MGAT4C: variants seen among roughly 807,000 people sequenced by gnomAD.
The protein encoded by MGAT4C is MGAT4 family member C.
In MGAT4C, 19 loss-of-function variants were observed where a neutral mutation model predicts 40.1. The observed-to-expected ratio is 0.47, with a 90% CI of 0.33 to 0.70. The LOEUF (loss-of-function observed/expected upper bound fraction) is 0.70. MGAT4C is among the 30% of genes least tolerant of loss of function. The probability of loss-of-function intolerance (pLI) is 0.02; values close to 1 mark genes in which losing one functional copy is unlikely to be tolerated. For missense variants in MGAT4C, 491 were observed against 563.2 expected (o/e 0.87, Z 1.30); for synonymous variants, 181 against 187.1 (o/e 0.97, Z 0.27).
chr12:86,385,999 C>T (rs1260026433), intron 3 of MGAT4C, among the ~76,000 whole-genome samples: 1 of 152,074 alleles, frequency 6.6e-6, no homozygotes, highest in Non-Finnish European at 1.5e-5. Context: ...GGCAAGATCT[C>T]GGCTCACTGC....
chr12:86,705,667 A>C (rs1290581446), intron 2 of MGAT4C, among the ~76,000 whole-genome samples: 1 of 152,190 alleles, frequency 6.6e-6, no homozygotes, highest in East Asian at 1.9e-4. Context: ...AAATATAAAC[A>C]AATTTGGGAG....
At chr12:86,288,316 A>G (rs1953408721) in intron 4 of MGAT4C, among the ~76,000 whole-genome samples, 1 of 152,068 alleles carries the variant, frequency 6.6e-6, no homozygotes, top group Admixed American at 6.6e-5. Context: ...CTCTGATGAT[A>G]GTTTCTTTTG....
chr12:86,403,828 T>C (rs1269186222), intron 3 of MGAT4C, among the ~76,000 whole-genome samples: 1 of 152,174 alleles, frequency 6.6e-6, no homozygotes, highest in East Asian at 1.9e-4. Flanking sequence ...TTGGTTGATC[T>C]GAAAGCATGC....
At chr12:86,381,977 A>G (rs1955939639) in intron 3 of MGAT4C, among the ~76,000 whole-genome samples, 1 of 152,170 alleles carries the variant, frequency 6.6e-6, no homozygotes, top group South Asian at 2.1e-4. Flanking sequence ...GCCATGTGGA[A>G]CTGTAACTCC....
At position 86,805,545 on chromosome 12, in the gene MGAT4C, T is replaced by A. The variant is rs73393181; in HGVS notation, c.-262+33121A>T. Among the ~76,000 whole-genome samples the A allele has an allele frequency of 4.0e-3, 604 of 152,092 alleles. 7 individuals are homozygous for A. Among genetic ancestry groups the A allele is most frequent in the African/African-American group, 0.014 (583 of 41,534 alleles). Reference sequence around the variant, plus strand: ...ATTCATGTTGCTGCAAAGGGCATAGTTTTTTTCTTTTTTATGGCTGCATAG... The same window carrying A: ...ATTCATGTTGCTGCAAAGGGCATAGATTTTTTCTTTTTTATGGCTGCATAG... On this transcript the variant is annotated intron_variant, in intron 1 of 7. Coordinates refer to the MGAT4C transcript ENST00000548651.
chr12:86,812,504 T>A, intron 1 of MGAT4C, among the ~76,000 whole-genome samples: 1 of 152,102 alleles, frequency 6.6e-6, no homozygotes, highest in East Asian at 1.9e-4. Context: ...CAATTGGGAT[T>A]GTTAGGTCAT....
intron 1 of MGAT4C, among the ~76,000 whole-genome samples, chr12:86,781,012 T>G (rs4842538): frequency 0.14 from 5,660 of 39,130 alleles, 146 homozygotes; most frequent in South Asian, 0.32. Context: ...TGGCTGAGTA[T>G]TGTGTGTGTG....
At chr12:86,263,277 C>A (rs1276989344) in intron 4 of MGAT4C, among the ~76,000 whole-genome samples, 1 of 152,056 alleles carries the variant, frequency 6.6e-6, no homozygotes, top group Non-Finnish European at 1.5e-5. Context: ...TATCTATCAC[C>A]CAAATACTTT....
At chr12:86,505,759 T>C (rs575276370) in intron 2 of MGAT4C, among the ~76,000 whole-genome samples, 5 of 152,316 alleles carry the variant, frequency 3.3e-5, no homozygotes, top group African/African-American at 1.2e-4. Context: ...GATAGAAATG[T>C]ATTTCTCTAG....
At chr12:86,182,914 TC>T (rs1888284296) in intron 1 of MGAT4C, among the ~76,000 whole-genome samples, 1 of 152,136 alleles carries the variant, frequency 6.6e-6, no homozygotes, top group South Asian at 2.1e-4. Flanking sequence ...CTCTGCAACT[TC>T]CAGACCCAGC....
Position 86,026,328 on chromosome 12 carries a change from A to G in MGAT4C, c.-7+23346T>C, listed in dbSNP as rs372059859. Among the ~76,000 whole-genome samples the G allele has an allele frequency of 3.2e-4, 48 of 151,796 alleles. 1 individual carries two copies. In the East Asian group the frequency reaches 7.2e-3, roughly 23 times the overall value. On this transcript the variant is annotated intron_variant, in intron 2 of 4. Coordinates refer to ENST00000611864, the MANE Select transcript of MGAT4C (RefSeq NM_001351288.2). Reference sequence around the variant, plus strand: ...ACCTTTTCTCTGCATGTGCATGCACATGCACACACACACAGACACACACAC... The same window carrying G: ...ACCTTTTCTCTGCATGTGCATGCACGTGCACACACACACAGACACACACAC...
At chr12:86,634,414 T>C (rs1003416946) in intron 2 of MGAT4C, among the ~76,000 whole-genome samples, 4 of 152,136 alleles carry the variant, frequency 2.6e-5, no homozygotes, top group Non-Finnish European at 4.4e-5. Context: ...TTGTAACAAA[T>C]TGCCACAAGT....
chr12:86,254,930 G>T (rs1952455046), intron 1 of MGAT4C, among the ~76,000 whole-genome samples: 1 of 152,060 alleles, frequency 6.6e-6, no homozygotes, highest in East Asian at 1.9e-4. Flanking sequence ...TGCCAAACAG[G>T]ACTGGGCTAG....
At chr12:86,269,489 G>C (rs1365498822) in intron 4 of MGAT4C, among the ~76,000 whole-genome samples, 1 of 151,238 alleles carries the variant, frequency 6.6e-6, no homozygotes, top group Non-Finnish European at 1.5e-5. Flanking sequence ...GTATATTCCA[G>C]TCCTGTGGCA....
chr12:86,786,388 A>G (rs1254631576), intron 1 of MGAT4C, among the ~76,000 whole-genome samples: 2 of 152,136 alleles, frequency 1.3e-5, no homozygotes, highest in Non-Finnish European at 1.5e-5. Flanking sequence ...TTGAAAGATA[A>G]GTATATATTA....
At chr12:86,613,566 T>A (rs1199284749) in intron 2 of MGAT4C, among the ~76,000 whole-genome samples, 1 of 152,124 alleles carries the variant, frequency 6.6e-6, no homozygotes, top group African/African-American at 2.4e-5. Context: ...ATTTCACAGC[T>A]GTCAAAAAGC....
chr12:86,127,088 C>T (rs557931338), intron 1 of MGAT4C, among the ~76,000 whole-genome samples: 59 of 152,136 alleles, frequency 3.9e-4, no homozygotes, highest in Non-Finnish European at 6.8e-4. Context: ...TACTAGCTGG[C>T]GGCTCACCAC....
At chr12:86,448,688 CA>C (rs1029187027) in intron 2 of MGAT4C, among the ~76,000 whole-genome samples, 1 of 152,100 alleles carries the variant, frequency 6.6e-6, no homozygotes, top group African/African-American at 2.4e-5. Context: ...AAGCTAACAT[CA>C]ATATTTTCTT....
intron 1 of MGAT4C, among the ~76,000 whole-genome samples, chr12:86,179,087 G>A (rs554915379): frequency 2.0e-4 from 30 of 152,280 alleles, no homozygotes; most frequent in Non-Finnish European, 3.8e-4. Context: ...TGTTGTGGGA[G>A]GGACCTAGGA....
Sources: allele counts gnomAD v4.1 joint callset (sites outside exome capture counted in the v4.1 genomes callset), GRCh38; gene constraint gnomAD v4.1.1; transcripts MANE v1.5; gene names NCBI Gene and HGNC (gene_info 2026-07-23, HGNC 2026-07-21).